The following PDE1C variants were observed in gnomAD, a reference collection of about 807,000 sequenced individuals.
PDE1C encodes the protein dual specificity calcium/calmodulin-dependent 3',5'-cyclic nucleotide phosphodiesterase 1C.
Under a neutral mutation model 93.1 loss-of-function variants are expected in PDE1C, and 62 were observed. That is an observed-to-expected ratio of 0.67 (90% CI 0.54 to 0.82). The LOEUF (loss-of-function observed/expected upper bound fraction) is 0.82, where lower values mean the gene tolerates loss of function less well. Among genes scored for constraint, PDE1C ranks in the 40% least tolerant of loss-of-function variants. The pLI is 0.00. For synonymous variants in PDE1C, 325 were observed against 310.1 expected (o/e 1.05, Z -0.50); for missense variants, 742 against 884.6 (o/e 0.84, Z 2.04).
chr7:32,012,085 C>T (rs1429187309), intron 2 of PDE1C, among the ~76,000 whole-genome samples: 2 of 152,144 alleles, frequency 1.3e-5, no homozygotes, highest in Non-Finnish European at 2.9e-5. Context: ...CAAAAGAGCA[C>T]ACTATATGAA....
At chr7:31,778,263 C>G (rs964782165) in intron 16 of PDE1C, among the ~76,000 whole-genome samples, 7 of 152,196 alleles carry the variant, frequency 4.6e-5, no homozygotes, top group African/African-American at 1.7e-4. Flanking sequence ...GGGTGTGCAA[C>G]AAATAGGCCC....
At chr7:32,367,850 G>C (rs1233416248) in intron 1 of PDE1C, among the ~76,000 whole-genome samples, 1 of 152,018 alleles carries the variant, frequency 6.6e-6, no homozygotes, top group Non-Finnish European at 1.5e-5. Flanking sequence ...GGCTGAGGTA[G>C]AAGGATTGCT....
chr7:32,174,595 C>T (rs952905893), intron 2 of PDE1C, among the ~76,000 whole-genome samples: 1 of 152,116 alleles, frequency 6.6e-6, no homozygotes, highest in Non-Finnish European at 1.5e-5. Flanking sequence ...GAGGCTGGGA[C>T]GAAGCCACAG....
intron 3 of PDE1C, among the ~76,000 whole-genome samples, chr7:32,083,375 T>C (rs1293873953): frequency 5.3e-5 from 8 of 152,140 alleles, no homozygotes; most frequent in East Asian, 1.9e-4. Flanking sequence ...CTACGTCTGA[T>C]TGGTGTACCT....
chr7:32,137,260 T>C (rs145843513), intron 3 of PDE1C, among the ~76,000 whole-genome samples: 759 of 152,294 alleles, frequency 5.0e-3, no homozygotes, highest in African/African-American at 0.017. Flanking sequence ...AATCTAAAAA[T>C]AGACCAAGAT....
chr7:32,070,096 AAGAC>A (rs1228859620), intron 1 of PDE1C, among the ~76,000 whole-genome samples, 193 bp downstream of exon 1: 2 of 152,170 alleles, frequency 1.3e-5, no homozygotes, highest in Non-Finnish European at 2.9e-5. Flanking sequence ...AAGGCATTCT[AAGAC>A]AGAAAGACAA....
At chr7:31,690,427 C>T in the PDE1C span, among the ~76,000 whole-genome samples, 23 of 152,308 alleles carry the variant, frequency 1.5e-4, no homozygotes, top group African/African-American at 5.3e-4. Context: ...TTCTGGGTGC[C>T]AGACTGTGTG....
At chr7:32,089,127 T>C (rs998564587) in intron 3 of PDE1C, among the ~76,000 whole-genome samples, 1 of 152,206 alleles carries the variant, frequency 6.6e-6, no homozygotes, top group African/African-American at 2.4e-5. Context: ...AGAGGGCATA[T>C]CGCAAAGTCT....
chr7:32,170,314 T>G (rs1342971340), intron 2 of PDE1C, among the ~76,000 whole-genome samples: 1 of 151,860 alleles, frequency 6.6e-6, no homozygotes, highest in East Asian at 1.9e-4. Context: ...CAAATACAAG[T>G]CTCCCCTATA....
upstream of PDE1C, among the ~76,000 whole-genome samples, chr7:32,074,794 A>G (rs1007369408): frequency 6.6e-6 from 1 of 152,222 alleles, no homozygotes; most frequent in Non-Finnish European, 1.5e-5. Context: ...GCACTGCATG[A>G]AAAGAGGCAC....
intron 1 of PDE1C, among the ~76,000 whole-genome samples, chr7:32,393,670 A>G (rs1784792361): frequency 6.6e-6 from 1 of 152,194 alleles, no homozygotes; most frequent in African/African-American, 2.4e-5. Context: ...AATAGCTGGC[A>G]TTTTTAGAAA....
In PDE1C at chr7:32,386,844, CT is replaced by C. The variant is rs1784635773; in HGVS notation, c.310+40977del. ...CAAAGAGGTTGATTCGATTTGCCCT[CT>C]TACTGCAGTGTCTAAGAGGACTCAT... On this transcript the variant is annotated intron_variant, in intron 1 of 1. Transcript: ENST00000672256. Among the ~76,000 whole-genome samples, 3 of 152,074 alleles carry C rather than the reference CT, an allele frequency of 2.0e-5. No homozygotes were observed. The South Asian group carries it at 6.2e-4, about 32-fold the overall frequency.
At chr7:32,323,157 T>A (rs993557049) in intron 1 of PDE1C, among the ~76,000 whole-genome samples, 1 of 152,228 alleles carries the variant, frequency 6.6e-6, no homozygotes, top group Non-Finnish European at 1.5e-5. Flanking sequence ...GATTGTATCA[T>A]AACTTAAAGA....
intron 1 of PDE1C, among the ~76,000 whole-genome samples, chr7:32,282,091 G>A (rs1287368371): frequency 4.0e-5 from 6 of 151,338 alleles, no homozygotes; most frequent in Non-Finnish European, 7.4e-5. Flanking sequence ...AAACCAACAC[G>A]GCACATGTAT....
intron 1 of PDE1C, among the ~76,000 whole-genome samples, chr7:32,313,046 C>G (rs1162313214): frequency 6.6e-6 from 1 of 150,474 alleles, no homozygotes; most frequent in East Asian, 1.9e-4. Context: ...TGAACTCAAA[C>G]AAATTTACAA....
intron 1 of PDE1C, among the ~76,000 whole-genome samples, chr7:32,059,277 G>A (rs1794505122): frequency 6.6e-6 from 1 of 152,210 alleles, no homozygotes; most frequent in African/African-American, 2.4e-5. Flanking sequence ...CAAATCTGAA[G>A]CAGAGATGTA....
chr7:31,912,996 T>A (rs920313053), intron 2 of PDE1C, among the ~76,000 whole-genome samples: 2 of 152,162 alleles, frequency 1.3e-5, no homozygotes, highest in Middle Eastern at 3.2e-3. Context: ...TTTTAACCTA[T>A]AGTAATATTT....
At chr7:31,891,993 TTACAA>T (rs1798704835) in intron 2 of PDE1C, among the ~76,000 whole-genome samples, 1 of 152,234 alleles carries the variant, frequency 6.6e-6, no homozygotes, top group Non-Finnish European at 1.5e-5. Context: ...GTATTATTTC[TTACAA>T]TAATGTGACT....
chr7:31,873,253 T>G, intron 6 of PDE1C, 39 bp downstream of exon 6: 4 of 1,174,624 alleles, frequency 3.4e-6, no homozygotes, highest in South Asian at 1.3e-5. Context: ...AACATATGCA[T>G]GTAGTTTATT....
Sources: allele counts gnomAD v4.1 joint callset (sites outside exome capture counted in the v4.1 genomes callset), GRCh38; gene constraint gnomAD v4.1.1; transcripts MANE v1.5; gene names NCBI Gene and HGNC (gene_info 2026-07-23, HGNC 2026-07-21).